Variants in ACVR1 observed in about 807,000 individuals in gnomAD.
The protein encoded by ACVR1 is activin receptor type-1.
In ACVR1, 38 loss-of-function variants were observed where a neutral mutation model predicts 57.1. That is an observed-to-expected ratio of 0.67 (90% CI 0.51 to 0.87). The LOEUF (loss-of-function observed/expected upper bound fraction) is 0.87. Ranked by LOEUF, ACVR1 falls within the 40% of genes least tolerant of loss-of-function variation. The probability of loss-of-function intolerance (pLI) is 0.00; values close to 1 mark genes in which losing one functional copy is unlikely to be tolerated. For missense variants in ACVR1, 463 were observed against 638.2 expected, an observed-to-expected ratio of 0.73 and a Z score of 2.96; for synonymous variants, 212 against 228.1, an observed-to-expected ratio of 0.93 and a Z score of 0.63.
chr2:157,775,733 A>G (rs1686257326), intron 5 of ACVR1, among the ~76,000 whole-genome samples: 2 of 152,244 alleles, frequency 1.3e-5, no homozygotes, highest in Non-Finnish European at 2.9e-5. Flanking sequence ...TTCGAGAAGA[A>G]TAATTCTGAA....
intron 9 of ACVR1, among the ~76,000 whole-genome samples, chr2:157,758,144 C>A (rs1685506511): frequency 6.6e-6 from 1 of 151,878 alleles, no homozygotes; most frequent in Admixed American, 6.6e-5. Context: ...AAAAGATATT[C>A]CATGCAAATA....
chr2:157,739,170 A>G (rs913308264), intron 9 of ACVR1, among the ~76,000 whole-genome samples: 2 of 152,228 alleles, frequency 1.3e-5, no homozygotes, highest in Non-Finnish European at 2.9e-5. Flanking sequence ...TTCTACATGT[A>G]CTGAGTACCC....
Position 157,876,075 on chromosome 2 carries a change from G to GGCAGCGGCA in ACVR1, c.-471_-463dup, listed in dbSNP as rs1354145753. ...GGAGCAGGCTGGCAGCGGCAGCGGC[G>GGCAGCGGCA]GCAGCGGCAGCCACCCGGGGGAAAG... is the stretch of plus-strand genomic sequence containing the variant. On this transcript the variant is annotated 5_prime_UTR_variant, in exon 1 of 11. Transcript: ENST00000434821. 3.4e-5 allele frequency among the ~76,000 whole-genome samples: 5 copies of GGCAGCGGCA among 148,056 alleles called. No individual in the cohort carries two copies. The highest frequency in any genetic ancestry group is 3.3e-4 in the Admixed American group (5 of 15,004).
chr2:157,837,381 G>C (rs1339569386), intron 1 of ACVR1, among the ~76,000 whole-genome samples: 1 of 152,192 alleles, frequency 6.6e-6, no homozygotes, highest in Non-Finnish European at 1.5e-5. Flanking sequence ...TCACAGAAGA[G>C]AGCTTCACTC....
At chr2:157,822,575 C>A (rs995817448) in intron 1 of ACVR1, among the ~76,000 whole-genome samples, 3 of 152,148 alleles carry the variant, frequency 2.0e-5, no homozygotes, top group Non-Finnish European at 4.4e-5. Context: ...TAAATGGGAA[C>A]TATCACACTT....
intron 9 of ACVR1, 73 bp from the exon 10 acceptor site, chr2:157,738,643 G>A: frequency 1.2e-6 from 2 of 1,604,940 alleles, no homozygotes; most frequent in Non-Finnish European, 1.7e-6. Context: ...ATTGATGGGT[G>A]TCACAGGTTA....
chr2:157,833,182 A>G (rs933770696), intron 1 of ACVR1, among the ~76,000 whole-genome samples: 1 of 152,230 alleles, frequency 6.6e-6, no homozygotes, highest in African/African-American at 2.4e-5. Flanking sequence ...AGCCAGCTGA[A>G]TTCTCTCAGA....
At chr2:157,858,714 C>A (rs939481011) in intron 1 of ACVR1, among the ~76,000 whole-genome samples, 10 of 152,040 alleles carry the variant, frequency 6.6e-5, no homozygotes, top group African/African-American at 2.4e-4. Flanking sequence ...AACTCCTGAC[C>A]CCAGGTGATC....
chr2:157,813,373 C>A (rs1687818978), intron 2 of ACVR1, among the ~76,000 whole-genome samples: 1 of 152,124 alleles, frequency 6.6e-6, no homozygotes, highest in Non-Finnish European at 1.5e-5. Context: ...AATGACTAGC[C>A]AATATGGCAG....
rs1398213948 is a variant in ACVR1, at chr2:157,761,029, T to C, written c.1115A>G (p.Asn372Ser). 3 of 1,614,016 alleles carry C rather than the reference T, an allele frequency of 1.9e-6. No homozygotes were observed. The highest frequency in any genetic ancestry group is 1.1e-5 in the South Asian group (1 of 91,086). ...SQSTNQLDVGNNPRVGTKRYM... is the reference protein window; with the variant it reads ...SQSTNQLDVGSNPRVGTKRYM... The stretch of plus-strand genomic sequence containing the variant: ...GCGCTTGGTGCCCACACGGGGATTG[T>C]TCCCCACATCAAGCTGATTGGTGCT... Residue 372 changes from asparagine to serine, a missense_variant, in exon 9 of 11, where the codon AAC becomes AGC. Coordinates refer to ENST00000434821, the MANE Select transcript of ACVR1 (RefSeq NM_001111067.4).
chr2:157,840,526 T>A (rs947166052), intron 1 of ACVR1, among the ~76,000 whole-genome samples: 1 of 152,272 alleles, frequency 6.6e-6, no homozygotes, highest in Non-Finnish European at 1.5e-5. Context: ...AAGTGCAAAG[T>A]GTCACCTGAT....
chr2:157,749,987 C>T (rs1314514109), intron 9 of ACVR1, among the ~76,000 whole-genome samples: 1 of 152,246 alleles, frequency 6.6e-6, no homozygotes, highest in African/African-American at 2.4e-5. Context: ...GCTGCCACCA[C>T]TGGTGTGTGT....
At chr2:157,785,942 T>C (rs1476485943) in intron 3 of ACVR1, among the ~76,000 whole-genome samples, 4 of 152,218 alleles carry the variant, frequency 2.6e-5, no homozygotes, top group Non-Finnish European at 4.4e-5. Context: ...CTACAACTGC[T>C]GGCTGACCTG....
chr2:157,808,153 T>C (rs948766217), intron 2 of ACVR1, among the ~76,000 whole-genome samples: 2 of 152,260 alleles, frequency 1.3e-5, no homozygotes, highest in South Asian at 4.2e-4. Flanking sequence ...TGTCACTTAC[T>C]TACTAGTTTA....
At chr2:157,780,168 A>C (rs1686449493) in intron 4 of ACVR1, among the ~76,000 whole-genome samples, 169 bp downstream of exon 4, 1 of 152,200 alleles carries the variant, frequency 6.6e-6, no homozygotes, top group African/African-American at 2.4e-5. Flanking sequence ...AGATGCCAAA[A>C]GGCTGTTCCT....
intron 1 of ACVR1, among the ~76,000 whole-genome samples, chr2:157,824,472 G>GTAA (rs548905266): frequency 3.2e-4 from 48 of 152,062 alleles, no homozygotes; most frequent in African/African-American, 1.1e-3. Flanking sequence ...TGTCAAAAAA[G>GTAA]TAATAATAAT....
intron 1 of ACVR1, among the ~76,000 whole-genome samples, chr2:157,830,478 G>A (rs16842128): frequency 1.4e-4 from 21 of 151,990 alleles, no homozygotes; most frequent in African/African-American, 4.8e-4. Context: ...AACTACCAAC[G>A]TTTCTGATTT....
chr2:157,764,381 T>G (rs5022320), intron 8 of ACVR1, among the ~76,000 whole-genome samples: 2 of 146,084 alleles, frequency 1.4e-5, no homozygotes, highest in Non-Finnish European at 3.0e-5. Context: ...TTTTTTTTTG[T>G]ATTTTTAGTA....
At chr2:157,773,342 C>T (rs1686143553) in intron 6 of ACVR1, among the ~76,000 whole-genome samples, 1 of 152,146 alleles carries the variant, frequency 6.6e-6, no homozygotes, top group Non-Finnish European at 1.5e-5. Flanking sequence ...ACCCAGGAAC[C>T]CCCAGTTCCT....
Sources: gnomAD v4.1 joint callset for allele counts (sites outside exome capture counted in the v4.1 genomes callset) on GRCh38, gnomAD v4.1.1 for gene constraint, MANE v1.5 for transcripts, NCBI Gene and HGNC (gene_info 2026-07-23, HGNC 2026-07-21) for gene names.